CRTC3: variants seen among roughly 807,000 people sequenced by gnomAD.
CRTC3 encodes the protein CREB-regulated transcription coactivator 3.
A neutral mutation model predicts 74.5 loss-of-function variants in CRTC3; 26 were observed. The observed-to-expected ratio is 0.35, with a 90% CI of 0.26 to 0.48. CRTC3 has a LOEUF of 0.48. Ranked by LOEUF, CRTC3 falls within the 20% of genes least tolerant of loss-of-function variation. The probability of loss-of-function intolerance (pLI) is 0.99; values close to 1 mark genes in which losing one functional copy is unlikely to be tolerated. For missense variants in CRTC3, 760 were observed against 787.3 expected (o/e 0.97, Z 0.41); for synonymous variants, 377 against 325.8 (o/e 1.16, Z -1.69).
At chr15:90,590,110 G>A (rs1314047708) in intron 2 of CRTC3, among the ~76,000 whole-genome samples, 2 of 151,960 alleles carry the variant, frequency 1.3e-5, no homozygotes, top group South Asian at 4.2e-4. Flanking sequence ...GGCCAACATG[G>A]TGAATCCCCA....
rs1308140019 is a variant in CRTC3, at chr15:90,604,437, G to T, written c.466G>T (p.Ala156Ser). The T allele has an allele frequency of 1.9e-6, 3 of 1,612,834 alleles. No individual in the cohort carries two copies. In the African/African-American group the frequency reaches 4.0e-5, roughly 22 times the overall value. The part of the protein sequence containing the change: ...EKHPGFRLTS[A>S]LNRTNSDSAL... ...GCATCCTGGGTTCAGGCTGACATCT[G>T]CACTTAACAGGTACATGGGTTGTTT... The change falls in exon 5 of 15, where the codon GCA becomes TCA. Residue 156 changes from alanine (A) to serine (S), a missense_variant. Ala to Ser is a moderately conservative substitution (Grantham distance 99, BLOSUM62 1). Around this residue, in one of 2 missense-constraint regions of CRTC3, gnomAD observed 652 missense variants for 635.2 expected, o/e 1.03. Coordinates refer to ENST00000268184, the MANE Select transcript of CRTC3 (RefSeq NM_022769.5).
intron 9 of CRTC3, chr15:90,620,066 A>G (rs1377210898): frequency 7.9e-6 from 3 of 381,624 alleles, no homozygotes; most frequent in Non-Finnish European, 1.4e-5. Flanking sequence ...CTCTCCGGGT[A>G]GAAGCAGTGT....
intron 1 of CRTC3, among the ~76,000 whole-genome samples, chr15:90,533,420 AGG>A (rs1567156026): frequency 6.0e-5 from 7 of 117,350 alleles, no homozygotes; most frequent in Non-Finnish European, 1.7e-5. Context: ...GACTCCGCCT[AGG>A]AAAAAAAAAA....
In CRTC3 at chr15:90,642,240, A is replaced by G. The variant is rs1969475758; in HGVS notation, c.*100A>G. The G allele has an allele frequency of 7.0e-6, 7 of 999,726 alleles. No individual in the cohort carries two copies. The Admixed American group carries it at 1.4e-4, about 21-fold the overall frequency. 61.9% of individuals were successfully genotyped at this position (999,726 alleles called of 1,614,324 possible). ...TACCACGGGCTTTCGTTATCTTGAC[A>G]TAGAAGGAAGCAATGCCACGGCTCC... On this transcript the variant is annotated 3_prime_UTR_variant, in exon 15 of 15. Coordinates refer to ENST00000268184, the MANE Select transcript of CRTC3 (RefSeq NM_022769.5).
intron 11 of CRTC3, chr15:90,634,757 ACT>A (rs781692077): frequency 1.6e-5 from 17 of 1,040,924 alleles, no homozygotes; most frequent in South Asian, 3.8e-5. Context: ...AGTTTTTTCC[ACT>A]CTCTGACTGA....
chr15:90,616,649 A>G (rs1421600189), intron 7 of CRTC3, among the ~76,000 whole-genome samples: 1 of 152,178 alleles, frequency 6.6e-6, no homozygotes, highest in African/African-American at 2.4e-5. Context: ...CTGACATCAG[A>G]TCACTTAACT....
At chr15:90,593,363 G>A (rs553304947) in intron 2 of CRTC3, among the ~76,000 whole-genome samples, 115 of 152,176 alleles carry the variant, frequency 7.6e-4, no homozygotes, top group Non-Finnish European at 1.3e-3. Context: ...TGAGTTCACC[G>A]TCTTCTGATT....
At chr15:90,583,325 A>C (rs1967585777) in intron 2 of CRTC3, among the ~76,000 whole-genome samples, 1 of 152,228 alleles carries the variant, frequency 6.6e-6, no homozygotes, top group South Asian at 2.1e-4. Context: ...TTCATTTAAA[A>C]ATACAGACTA....
At chr15:90,581,750 T>G (rs945693482) in intron 2 of CRTC3, among the ~76,000 whole-genome samples, 9 of 152,214 alleles carry the variant, frequency 5.9e-5, no homozygotes, top group Non-Finnish European at 1.3e-4. Context: ...TTGTTTTTTC[T>G]CTTTTAATTC....
intron 3 of CRTC3, chr15:90,600,298 C>G (rs1462406252): frequency 6.6e-6 from 1 of 152,192 alleles, no homozygotes; most frequent in Non-Finnish European, 1.5e-5. Flanking sequence ...CTCCGTTTTC[C>G]TAATTCCAGA....
intron 9 of CRTC3, among the ~76,000 whole-genome samples, chr15:90,620,508 TGA>T (rs1968614989): frequency 6.6e-6 from 1 of 151,668 alleles, no homozygotes; most frequent in Non-Finnish European, 1.5e-5. Flanking sequence ...AACGAGGAGA[TGA>T]GAGAGATAAT....
chr15:90,620,233 G>T, intron 9 of CRTC3: 1 of 182,030 alleles, frequency 5.5e-6, no homozygotes, highest in Non-Finnish European at 1.1e-5. Flanking sequence ...TTCTGTGAAT[G>T]TACTTAATGT....
Position 90,530,224 on chromosome 15 carries a change from G to A in CRTC3, c.132+21G>A. The A allele has an allele frequency of 1.8e-6, 2 of 1,105,396 alleles. No homozygotes were observed. Among genetic ancestry groups the A allele is most frequent in the Non-Finnish European group, 2.2e-6 (2 of 904,358 alleles). The allele number at this position is 1,105,396 out of a possible 1,614,324, so 68.5% of individuals were successfully genotyped here. A position where few individuals can be genotyped will look rare whatever the true frequency, so the allele number is the denominator to read the frequency against. On this transcript the variant is annotated intron_variant, in intron 1 of 14. Coordinates refer to ENST00000268184, the MANE Select transcript of CRTC3 (RefSeq NM_022769.5). This position sits in a 1 kb window ranked among gnomAD's most constrained non-coding sequence, Gnocchi z 6.2. ...CGCGGGTGAGGGCCCGGGCCGGCGCGGGCGGGGGCGGCCACGGCCGCGGGC... is the reference window on the plus strand; with the variant it reads ...CGCGGGTGAGGGCCCGGGCCGGCGCAGGCGGGGGCGGCCACGGCCGCGGGC...
chr15:90,600,921 G>A (rs1314547219), intron 3 of CRTC3, among the ~76,000 whole-genome samples: 2 of 152,202 alleles, frequency 1.3e-5, no homozygotes, highest in Non-Finnish European at 2.9e-5. Flanking sequence ...AGGTGAGAAA[G>A]GGGAAATGGC....
intron 1 of CRTC3, 37 bp from the exon 2 acceptor site, chr15:90,540,002 G>A (rs1383932920): frequency 4.4e-6 from 6 of 1,355,926 alleles, no homozygotes; most frequent in Non-Finnish European, 6.3e-6. Context: ...GATCTTTGCT[G>A]TTACCTCTCA....
chr15:90,580,259 A>T (rs556541623), intron 2 of CRTC3, among the ~76,000 whole-genome samples: 1 of 152,120 alleles, frequency 6.6e-6, no homozygotes, highest in Non-Finnish European at 1.5e-5. Context: ...TTCAGCACTG[A>T]AGCCGGGAGC....
intron 7 of CRTC3, among the ~76,000 whole-genome samples, chr15:90,615,630 G>T (rs890999479): frequency 1.8e-4 from 27 of 152,146 alleles, no homozygotes; most frequent in African/African-American, 6.5e-4. Flanking sequence ...TCAGTGCTTC[G>T]AAGAATTCCC....
chr15:90,588,201 A>G (rs1172320702), intron 2 of CRTC3, among the ~76,000 whole-genome samples: 2 of 151,676 alleles, frequency 1.3e-5, no homozygotes, highest in Non-Finnish European at 2.9e-5. Flanking sequence ...CAGAGGTTAC[A>G]GTGAGCTGAG....
intron 5 of CRTC3, among the ~76,000 whole-genome samples, chr15:90,606,474 A>G (rs1596119531): frequency 6.6e-6 from 1 of 151,822 alleles, no homozygotes; most frequent in South Asian, 2.1e-4. Flanking sequence ...AGGGAGAAGA[A>G]TTTCTTGAAC....
Sources: allele counts gnomAD v4.1 joint callset (sites outside exome capture counted in the v4.1 genomes callset), GRCh38; gene constraint gnomAD v4.1.1; regional missense constraint gnomAD v4.1.1; non-coding constraint Gnocchi (gnomAD v3.1); transcripts MANE v1.5; gene names NCBI Gene and HGNC (gene_info 2026-07-23, HGNC 2026-07-21).